The following HSBP1L1 variants were observed in gnomAD, a reference collection of about 807,000 sequenced individuals.
HSBP1L1 encodes heat shock factor-binding protein 1-like protein 1.
A neutral mutation model predicts 9.7 loss-of-function variants in HSBP1L1; 8 were observed. That is an observed-to-expected ratio of 0.82 (90% CI 0.48 to 1.48). The LOEUF (loss-of-function observed/expected upper bound fraction) is 1.48. Among genes scored for constraint, HSBP1L1 ranks in the 40% most tolerant of loss-of-function variants. The pLI is 0.00. For missense variants in HSBP1L1, 106 were observed against 95.8 expected, an observed-to-expected ratio of 1.11 and a Z score of -0.44; for synonymous variants, 39 against 34.4, an observed-to-expected ratio of 1.13 and a Z score of -0.46.
At chr18:79,968,023 G>T in intron 2 of HSBP1L1, 66 bp from the exon 3 acceptor site, 1 of 935,706 alleles carries the variant, frequency 1.1e-6, no homozygotes, top group South Asian at 1.6e-5. Context: ...GAGTCTCTGA[G>T]GACATCCTGG....
At chr18:79,969,391 G>GAAAGAAAGAAAA (rs1177594343) in intron 3 of HSBP1L1, among the ~76,000 whole-genome samples, 1 of 92,970 alleles carries the variant, frequency 1.1e-5, no homozygotes, top group African/African-American at 4.1e-5. Context: ...AAGAAAGAAA[G>GAAAGAAAGAAAA]AAAAAAAAAC....
intron 2 of HSBP1L1, chr18:79,967,677 G>C (rs1364800372): frequency 6.5e-6 from 1 of 154,692 alleles, no homozygotes; most frequent in African/African-American, 2.4e-5. Context: ...GAGAGGCTGA[G>C]GCAGAAGGAT....
At chr18:79,967,188 C>T (rs1409423367) in intron 2 of HSBP1L1, among the ~76,000 whole-genome samples, 1 of 149,884 alleles carries the variant, frequency 6.7e-6, no homozygotes, top group African/African-American at 2.5e-5. Context: ...GCTTGACTGG[C>T]AACACAGGAT....
At chr18:79,966,760 G>A in intron 2 of HSBP1L1, 82 bp downstream of exon 2, 1 of 995,188 alleles carries the variant, frequency 1.0e-6, no homozygotes, top group Non-Finnish European at 1.5e-6. Context: ...TTGTCTGGTA[G>A]TAGTAGGTAA....
At chr18:79,968,899 C>A (rs2145036270) in intron 3 of HSBP1L1, among the ~76,000 whole-genome samples, 1 of 151,232 alleles carries the variant, frequency 6.6e-6, no homozygotes, top group East Asian at 2.0e-4. Context: ...AAAAATGATT[C>A]AGAAGCCAGG....
At chr18:79,966,771 T>C in intron 2 of HSBP1L1, 93 bp downstream of exon 2, 1 of 905,688 alleles carries the variant, frequency 1.1e-6, no homozygotes, top group South Asian at 1.5e-5. Flanking sequence ...TAGTAGGTAA[T>C]AGTTTACTTA....
Position 79,970,476 on chromosome 18 carries a change from T to C in HSBP1L1, c.*25T>C, listed in dbSNP as rs1340675660. Reference sequence around the variant, plus strand: ...ACTGCAGCATGTCTGTATTTGGAGATGGGGCCTCTACAGAAGTCATTAAGG... The same window carrying C: ...ACTGCAGCATGTCTGTATTTGGAGACGGGGCCTCTACAGAAGTCATTAAGG... On this transcript the variant is annotated 3_prime_UTR_variant, in exon 4 of 4. Coordinates refer to ENST00000451882, the MANE Select transcript of HSBP1L1 (RefSeq NM_001136180.2). The C allele has an allele frequency of 2.8e-6, 2 of 718,476 alleles. No individual in the cohort carries two copies. The highest frequency in any genetic ancestry group is 2.7e-5 in the East Asian group (1 of 37,280). The allele number at this position is 718,476 out of a possible 1,614,324, so 44.5% of individuals were successfully genotyped here. A position where few individuals can be genotyped will look rare whatever the true frequency, so the allele number is the denominator to read the frequency against.
chr18:79,969,377 AAGAAAGAAAGAAAG>A (rs2051281549), intron 3 of HSBP1L1, among the ~76,000 whole-genome samples: 2 of 53,870 alleles, frequency 3.7e-5, no homozygotes, highest in Non-Finnish European at 9.6e-5. Context: ...GAAAGAAAGA[AAGAAAGAAAGAAAG>A]AAAAAAAAAC....
At chr18:79,968,715 C>A (rs76978304) in intron 3 of HSBP1L1, among the ~76,000 whole-genome samples, 2 of 151,842 alleles carry the variant, frequency 1.3e-5, no homozygotes, top group Non-Finnish European at 2.9e-5. Flanking sequence ...GTGATCCACC[C>A]GCCTCGGCCT....
intron 1 of HSBP1L1, among the ~76,000 whole-genome samples, chr18:79,965,126 GC>G (rs1419199676): frequency 7.0e-6 from 1 of 142,420 alleles, no homozygotes; most frequent in Non-Finnish European, 1.5e-5. Flanking sequence ...GTACTGGGGG[GC>G]ATTGAGGTCG....
chr18:79,969,022 T>C (rs906787527), intron 3 of HSBP1L1, among the ~76,000 whole-genome samples: 1 of 79,656 alleles, frequency 1.3e-5, no homozygotes, highest in African/African-American at 5.3e-5. Context: ...CTACTAAAAA[T>C]ACAAAAAAAA....
chr18:79,970,607 G>A lies in HSBP1L1; in HGVS notation c.*156G>A, dbSNP rs369099661. On this transcript the variant is annotated 3_prime_UTR_variant, in exon 4 of 4. Coordinates refer to ENST00000451882, the MANE Select transcript of HSBP1L1 (RefSeq NM_001136180.2). ...CCCCTCCGTGCCTGCACCAGAGAAG[G>A]AGGCCATCGGCAAGCCAAGGAGAGC... is the stretch of plus-strand genomic sequence containing the variant. 1.0e-4 allele frequency: 65 copies of A among 623,558 alleles called. 1 individual carries two copies. Among genetic ancestry groups the A allele is most frequent in the South Asian group, 5.1e-4 (28 of 54,900 alleles). 38.6% of individuals were successfully genotyped at this position (623,558 alleles called of 1,614,324 possible).
intron 1 of HSBP1L1, among the ~76,000 whole-genome samples, chr18:79,965,761 T>A (rs371136075): frequency 7.9e-5 from 12 of 152,218 alleles, no homozygotes; most frequent in South Asian, 4.1e-4. Flanking sequence ...CCTGCATTCA[T>A]GGTGTGTGGT....
chr18:79,970,154 G>A, intron 3 of HSBP1L1: 1 of 359,984 alleles, frequency 2.8e-6, no homozygotes, highest in East Asian at 4.9e-5. Context: ...TCTGTTGCTG[G>A]CTGTAACCTG....
chr18:79,970,588 C>G lies in HSBP1L1; in HGVS notation c.*137C>G, dbSNP rs1279065273. ...CAAGGGGCTCGCCTGCTCTCCCCTCCGTGCCTGCACCAGAGAAGGAGGCCA... is the reference window on the plus strand; with the variant it reads ...CAAGGGGCTCGCCTGCTCTCCCCTCGGTGCCTGCACCAGAGAAGGAGGCCA... On this transcript the variant is annotated 3_prime_UTR_variant, in exon 4 of 4. Transcript: ENST00000451882. 3 of 643,334 alleles carry G rather than the reference C, an allele frequency of 4.7e-6. No homozygotes were observed. The highest frequency in any genetic ancestry group is 1.7e-5 in the South Asian group (1 of 58,804). The allele number at this position is 643,334 out of a possible 1,614,324, so 39.9% of individuals were successfully genotyped here.
In HSBP1L1 at chr18:79,964,726, A is replaced by C. The variant is rs8095764; in HGVS notation, c.-10A>C. 0.19 allele frequency: 264,141 copies of C among 1,392,302 alleles called. 26,785 individuals carry two copies. Among genetic ancestry groups the C allele is most frequent in the African/African-American group, 0.29 (18,948 of 65,882 alleles). The allele number at this position is 1,392,302 out of a possible 1,614,324, so 86.2% of individuals were successfully genotyped here. On this transcript the variant is annotated 5_prime_UTR_variant, in exon 1 of 4. Coordinates refer to ENST00000451882, the MANE Select transcript of HSBP1L1 (RefSeq NM_001136180.2). Reference sequence around the variant, plus strand: ...GGACCCCCCACTGACGCCCCCGGCCAGCGGTCCACATGGACGTGCGGGGCC... The same window carrying C: ...GGACCCCCCACTGACGCCCCCGGCCCGCGGTCCACATGGACGTGCGGGGCC...
chr18:79,967,378 C>T (rs897723693), intron 2 of HSBP1L1: 3 of 152,092 alleles, frequency 2.0e-5, no homozygotes, highest in Non-Finnish European at 4.4e-5. Flanking sequence ...TTAACATCGC[C>T]AACTCACTGT....
intron 1 of HSBP1L1, among the ~76,000 whole-genome samples, chr18:79,965,030 G>T (rs1222475729): frequency 1.4e-5 from 2 of 140,548 alleles, no homozygotes; most frequent in African/African-American, 5.3e-5. Context: ...CGGTCCTGGG[G>T]GGGCCTGAGG....
In HSBP1L1 at chr18:79,969,174, G is replaced by A. The variant is rs1436471196; in HGVS notation, c.213+991G>A. Among the ~76,000 whole-genome samples the A allele has an allele frequency of 2.9e-5, 4 of 137,842 alleles. No individual in the cohort carries two copies. In the Admixed American group the frequency reaches 3.1e-4, roughly 11 times the overall value. The allele number at this position is 137,842 out of a possible 152,430, so 90.4% of individuals were successfully genotyped here. A position where few individuals can be genotyped will look rare whatever the true frequency, so the allele number is the denominator to read the frequency against. Reference sequence around the variant, plus strand: ...ACGGCACTCCAGCCTGGGCGACAGAGCGAGACAACATGAAAGAAAAGAAAG... The same window carrying A: ...ACGGCACTCCAGCCTGGGCGACAGAACGAGACAACATGAAAGAAAAGAAAG... On this transcript the variant is annotated intron_variant, in intron 3 of 3. Coordinates refer to ENST00000451882, the MANE Select transcript of HSBP1L1 (RefSeq NM_001136180.2).
Sources: gnomAD v4.1 joint callset for allele counts (sites outside exome capture counted in the v4.1 genomes callset) on GRCh38, gnomAD v4.1.1 for gene constraint, MANE v1.5 for transcripts, NCBI Gene and HGNC (gene_info 2026-07-23, HGNC 2026-07-21) for gene names.